Variants in LRRFIP2 observed in about 807,000 individuals in gnomAD.
LRRFIP2 encodes the protein leucine-rich repeat flightless-interacting protein 2.
Under a neutral mutation model 125.9 loss-of-function variants are expected in LRRFIP2, and 109 were observed. The observed-to-expected ratio is 0.87, with a 90% CI of 0.74 to 1.01. LRRFIP2 has a LOEUF of 1.01. LRRFIP2 is among the 50% of genes least tolerant of loss of function. LRRFIP2 has a pLI of 0.00. For missense variants in LRRFIP2, 850 were observed against 862.3 expected (o/e 0.99, Z 0.18); for synonymous variants, 291 against 293.1 (o/e 0.99, Z 0.07).
chr3:37,152,352 CT>C, intron 1 of LRRFIP2, among the ~76,000 whole-genome samples: 1 of 152,304 alleles, frequency 6.6e-6, no homozygotes, highest in South Asian at 2.1e-4. Context: ...CCATAAACTG[CT>C]TGGGTGACAG....
At chr3:37,135,498 C>T (rs1414233913) in intron 2 of LRRFIP2, among the ~76,000 whole-genome samples, 1 of 149,804 alleles carries the variant, frequency 6.7e-6, no homozygotes, top group Non-Finnish European at 1.5e-5. Flanking sequence ...GAGAACTAAA[C>T]ATGTACTATG....
At position 37,158,431 on chromosome 3, in the gene LRRFIP2, A is replaced by AC. The variant is rs200948718; in HGVS notation, c.-55-9394dup. Among the ~76,000 whole-genome samples, 1,401 of 151,996 alleles carry AC rather than the reference A, an allele frequency of 9.2e-3. 26 individuals carry two copies. The highest frequency in any genetic ancestry group is 0.032 in the African/African-American group (1,309 of 41,470). ...AGACCAGCTTGGCCAACATGGTGGA[A>AC]CCCCATCTCTACTAAAAATACAAAA... is the stretch of plus-strand genomic sequence containing the variant. On this transcript the variant is annotated intron_variant, in intron 1 of 27. Transcript: ENST00000336686.
chr3:37,126,859 CAAA>C (rs1553769307), intron 4 of LRRFIP2, among the ~76,000 whole-genome samples: 20 of 135,914 alleles, frequency 1.5e-4, no homozygotes, highest in Non-Finnish European at 2.5e-4. Flanking sequence ...AACTCCATCT[CAAA>C]AAAAAAAAAG....
chr3:37,072,022 C>T (rs930717931), intron 21 of LRRFIP2, among the ~76,000 whole-genome samples: 4 of 152,214 alleles, frequency 2.6e-5, no homozygotes, highest in African/African-American at 9.7e-5. Context: ...GAAAGTCTTA[C>T]ATTCCTATCC....
At chr3:37,108,918 T>C (rs1404903542) in intron 11 of LRRFIP2, among the ~76,000 whole-genome samples, 4 of 152,236 alleles carry the variant, frequency 2.6e-5, no homozygotes, top group Non-Finnish European at 4.4e-5. Flanking sequence ...TCTTTCACCA[T>C]CATGTTATGA....
At chr3:37,174,644 G>C (rs2096632306), upstream of LRRFIP2, 1 of 151,410 alleles carries the variant, frequency 6.6e-6, no homozygotes, top group South Asian at 2.1e-4. Flanking sequence ...TAAAATCAAA[G>C]CAATCACTTA....
chr3:37,083,503 C>G (rs2092805549), intron 19 of LRRFIP2, 133 bp downstream of exon 19: 1 of 548,456 alleles, frequency 1.8e-6, no homozygotes, highest in Non-Finnish European at 3.1e-6. Flanking sequence ...TCATGGTGTT[C>G]TGTCAATTTC....
At chr3:37,098,351 A>G (rs1258093963) in intron 15 of LRRFIP2, among the ~76,000 whole-genome samples, 3 of 151,376 alleles carry the variant, frequency 2.0e-5, no homozygotes, top group African/African-American at 4.8e-5. Context: ...ATATGTATAC[A>G]TGTGCCATGC....
At chr3:37,140,541 TG>T (rs1328880664) in intron 2 of LRRFIP2, 2 of 151,700 alleles carry the variant, frequency 1.3e-5, no homozygotes, top group Non-Finnish European at 2.9e-5. Flanking sequence ...AAGGCCAGCC[TG>T]GGCAACATGG....
At chr3:37,110,390 T>A (rs896008163) in intron 9 of LRRFIP2, among the ~76,000 whole-genome samples, 1 of 152,202 alleles carries the variant, frequency 6.6e-6, no homozygotes, top group African/African-American at 2.4e-5. Context: ...ATAAGAGTAC[T>A]TAAGTTGCGT....
chr3:37,162,332 A>T (rs2096370831), intron 1 of LRRFIP2, among the ~76,000 whole-genome samples: 1 of 152,152 alleles, frequency 6.6e-6, no homozygotes, highest in South Asian at 2.1e-4. Flanking sequence ...AACAATGAGA[A>T]CAAAGATGAC....
chr3:37,164,938 T>C (rs2096439776), intron 1 of LRRFIP2, among the ~76,000 whole-genome samples: 1 of 152,070 alleles, frequency 6.6e-6, no homozygotes, highest in East Asian at 1.9e-4. Flanking sequence ...TGTTACATTA[T>C]ATAAGACTGT....
chr3:37,087,676 C>T (rs1283364383), intron 18 of LRRFIP2, among the ~76,000 whole-genome samples: 1 of 152,002 alleles, frequency 6.6e-6, no homozygotes, highest in East Asian at 1.9e-4. Flanking sequence ...GCAACCTCAG[C>T]CTCCCGGGTT....
At chr3:37,061,469 A>G (rs1022328868) in intron 24 of LRRFIP2, among the ~76,000 whole-genome samples, 1 of 150,136 alleles carries the variant, frequency 6.7e-6, no homozygotes, top group African/African-American at 2.5e-5. Context: ...GCAGTGGCGC[A>G]ATCTTGGCTC....
intron 2 of LRRFIP2, among the ~76,000 whole-genome samples, chr3:37,143,330 G>A (rs776628362): frequency 4.6e-5 from 7 of 152,248 alleles, no homozygotes; most frequent in Admixed American, 1.3e-4. Context: ...GGGCAGTCAT[G>A]AAGATGGTCT....
intron 9 of LRRFIP2, among the ~76,000 whole-genome samples, chr3:37,110,577 AC>A (rs1268935054): frequency 6.6e-6 from 1 of 152,194 alleles, no homozygotes; most frequent in Non-Finnish European, 1.5e-5. Flanking sequence ...TTAAAAGGGT[AC>A]CCACTCTGAA....
chr3:37,108,522 T>C, intron 12 of LRRFIP2, 115 bp downstream of exon 12: 1 of 812,346 alleles, frequency 1.2e-6, no homozygotes, highest in Non-Finnish European at 2.0e-6. Context: ...TCAGATTAAA[T>C]GACTTTTTCT....
At chr3:37,102,347 C>T (rs1445996558) in intron 15 of LRRFIP2, among the ~76,000 whole-genome samples, 4 of 151,624 alleles carry the variant, frequency 2.6e-5, no homozygotes, top group Admixed American at 6.6e-5. Context: ...ACAAAATTGG[C>T]AAAATATTGA....
intron 19 of LRRFIP2, among the ~76,000 whole-genome samples, chr3:37,079,024 A>G (rs1479613098): frequency 6.6e-6 from 1 of 152,226 alleles, no homozygotes; most frequent in Admixed American, 6.5e-5. Flanking sequence ...GAAAACTCAT[A>G]AAGGGAGAAA....
Sources: gnomAD v4.1 joint callset for allele counts (sites outside exome capture counted in the v4.1 genomes callset) on GRCh38, gnomAD v4.1.1 for gene constraint, MANE v1.5 for transcripts, NCBI Gene and HGNC (gene_info 2026-07-23, HGNC 2026-07-21) for gene names.